The following CNBD1 variants were observed in gnomAD, a reference collection of about 807,000 sequenced individuals.
CNBD1 encodes the protein cyclic nucleotide binding domain containing 1, also known as cyclic nucleotide-binding domain-containing protein 1.
Under a neutral mutation model 54.4 loss-of-function variants are expected in CNBD1, and 71 were observed. That is an observed-to-expected ratio of 1.30 (90% CI 1.08 to 1.59). CNBD1 has a LOEUF of 1.59. Among genes scored for constraint, CNBD1 ranks in the 40% most tolerant of loss-of-function variants. The pLI is 0.00. For missense variants in CNBD1, 659 were observed against 518.0 expected, an observed-to-expected ratio of 1.27 and a Z score of -2.64; for synonymous variants, 182 against 170.7, an observed-to-expected ratio of 1.07 and a Z score of -0.51.
chr8:87,118,496 C>T (rs1240275191), intron 4 of CNBD1, among the ~76,000 whole-genome samples: 1 of 151,960 alleles, frequency 6.6e-6, no homozygotes, highest in Non-Finnish European at 1.5e-5. Context: ...AGAAATTAAT[C>T]CACCTGGCAG....
At chr8:87,173,971 A>G (rs1292681604) in intron 4 of CNBD1, among the ~76,000 whole-genome samples, 1 of 151,038 alleles carries the variant, frequency 6.6e-6, no homozygotes, top group Non-Finnish European at 1.5e-5. Flanking sequence ...TATTATTATT[A>G]TTATTTTTGA....
chr8:86,935,237 T>G (rs1809526735), intron 3 of CNBD1, among the ~76,000 whole-genome samples: 1 of 151,900 alleles, frequency 6.6e-6, no homozygotes, highest in Non-Finnish European at 1.5e-5. Context: ...AGGGTTTCAC[T>G]GTGTTAGCTA....
intron 10 of CNBD1, among the ~76,000 whole-genome samples, chr8:87,370,833 T>C (rs1810770596): frequency 6.7e-6 from 1 of 150,278 alleles, no homozygotes; most frequent in African/African-American, 2.5e-5. Context: ...AATGCCTAGG[T>C]TTTCTTCTAG....
intron 8 of CNBD1, among the ~76,000 whole-genome samples, chr8:87,339,509 A>G (rs1485538363): frequency 6.6e-6 from 1 of 151,396 alleles, no homozygotes; most frequent in Non-Finnish European, 1.5e-5. Context: ...TTAAGGATGT[A>G]TGAAGAGTTG....
intron 8 of CNBD1, among the ~76,000 whole-genome samples, chr8:87,322,521 T>A (rs1310567609): frequency 8.2e-6 from 1 of 121,580 alleles, no homozygotes; most frequent in African/African-American, 3.1e-5. Context: ...TGATATCTCA[T>A]AGTGGTTTTG....
rs1258657002 is a variant in CNBD1, at chr8:87,322,876, G to T, written c.1043-28809G>T. On this transcript the variant is annotated intron_variant, in intron 8 of 10. Coordinates refer to ENST00000518476, the MANE Select transcript of CNBD1 (RefSeq NM_173538.3). ...TTGGTGTTTTAGACATGAAGTCCTT[G>T]CCCATGCCTAGGTCCTGAATGGTAA... Among the ~76,000 whole-genome samples the T allele has an allele frequency of 2.5e-5, 3 of 118,046 alleles. No homozygotes were observed. In the East Asian group the frequency reaches 6.4e-4, roughly 25 times the overall value. 77.4% of individuals were successfully genotyped at this position (118,046 alleles called of 152,430 possible).
At chr8:86,978,628 C>T (rs1348269803) in intron 4 of CNBD1, among the ~76,000 whole-genome samples, 4 of 149,716 alleles carry the variant, frequency 2.7e-5, no homozygotes, top group South Asian at 2.1e-4. Context: ...CTGCAACCTC[C>T]GCATCCCGGG....
At chr8:87,338,056 G>A (rs1428856326) in intron 8 of CNBD1, among the ~76,000 whole-genome samples, 1 of 152,028 alleles carries the variant, frequency 6.6e-6, no homozygotes, top group African/African-American at 2.4e-5. Flanking sequence ...CATATCAGGT[G>A]TACTTAAAAG....
intron 3 of CNBD1, among the ~76,000 whole-genome samples, chr8:86,937,806 C>T (rs977572923): frequency 2.0e-5 from 3 of 152,166 alleles, no homozygotes; most frequent in Non-Finnish European, 2.9e-5. Context: ...GGCCTGGAGA[C>T]ATTTTCCCCA....
chr8:86,958,579 G>A (rs1369138979), intron 4 of CNBD1, among the ~76,000 whole-genome samples: 1 of 152,150 alleles, frequency 6.6e-6, no homozygotes, highest in Non-Finnish European at 1.5e-5. Flanking sequence ...TTACCATTAG[G>A]TAACGGCCTT....
intron 4 of CNBD1, among the ~76,000 whole-genome samples, chr8:87,073,898 G>A (rs1425454558): frequency 6.6e-6 from 1 of 151,994 alleles, no homozygotes; most frequent in Non-Finnish European, 1.5e-5. Flanking sequence ...TCAGGAGATT[G>A]AGACCATCCT....
intron 4 of CNBD1, among the ~76,000 whole-genome samples, chr8:87,082,491 A>G (rs766142566): frequency 3.4e-4 from 51 of 152,196 alleles, no homozygotes; most frequent in Non-Finnish European, 5.6e-4. Flanking sequence ...TATCTTGACA[A>G]TATTCCTTGT....
At chr8:87,405,049 A>G (rs2130980383) in intron 2 of CNBD1, among the ~76,000 whole-genome samples, 1 of 152,216 alleles carries the variant, frequency 6.6e-6, no homozygotes, top group Admixed American at 6.5e-5. Flanking sequence ...ATCAGTACTG[A>G]GTTGAAGAAA....
chr8:87,370,140 G>C (rs1407314506), intron 10 of CNBD1, among the ~76,000 whole-genome samples: 1 of 151,640 alleles, frequency 6.6e-6, no homozygotes, highest in African/African-American at 2.4e-5. Context: ...TTGGACATTT[G>C]GGTTGGTTCC....
intron 2 of CNBD1, among the ~76,000 whole-genome samples, chr8:87,401,548 G>T (rs1268219628): frequency 1.3e-5 from 2 of 151,912 alleles, no homozygotes; most frequent in Non-Finnish European, 2.9e-5. Context: ...TATCTTTCTT[G>T]TTTTTTATGT....
chr8:87,339,401 G>A (rs1414902424), intron 8 of CNBD1, among the ~76,000 whole-genome samples: 6 of 152,122 alleles, frequency 3.9e-5, no homozygotes, highest in Non-Finnish European at 7.4e-5. Flanking sequence ...GGAAATTTCA[G>A]CTTATGGGTT....
At chr8:86,910,405 A>G (rs1042253883) in intron 3 of CNBD1, among the ~76,000 whole-genome samples, 1 of 152,066 alleles carries the variant, frequency 6.6e-6, no homozygotes, top group African/African-American at 2.4e-5. Context: ...GGAGAGAAAA[A>G]GGAATTTTTT....
intron 4 of CNBD1, among the ~76,000 whole-genome samples, chr8:87,138,739 C>G (rs559162763): frequency 2.0e-5 from 3 of 152,266 alleles, no homozygotes; most frequent in South Asian, 4.1e-4. Flanking sequence ...GTCTTGGGGA[C>G]TGTTGTCCAC....
chr8:87,222,415 A>G (rs1332765821), intron 5 of CNBD1, among the ~76,000 whole-genome samples: 4 of 152,110 alleles, frequency 2.6e-5, no homozygotes, highest in Admixed American at 6.6e-5. Context: ...ACTGGCAGAG[A>G]CTGAAAACAA....
Sources: gnomAD v4.1 joint callset for allele counts (sites outside exome capture counted in the v4.1 genomes callset) on GRCh38, gnomAD v4.1.1 for gene constraint, MANE v1.5 for transcripts, NCBI Gene and HGNC (gene_info 2026-07-23, HGNC 2026-07-21) for gene names.